TFPI: variants seen among roughly 807,000 people sequenced by gnomAD.
TFPI encodes anti-convertin.
TFPI carries 15 observed loss-of-function variants against 34.6 expected under a neutral mutation model. That is an observed-to-expected ratio of 0.43 (90% CI 0.29 to 0.67). The LOEUF (loss-of-function observed/expected upper bound fraction) is 0.67. TFPI is among the 30% of genes least tolerant of loss of function. TFPI has a pLI of 0.15. For synonymous variants in TFPI, 105 were observed against 120.1 expected (o/e 0.87, Z 0.82); for missense variants, 301 against 364.0 (o/e 0.83, Z 1.41).
At chr2:187,526,431 A>G (rs1411743359) in intron 1 of TFPI, among the ~76,000 whole-genome samples, 1 of 152,170 alleles carries the variant, frequency 6.6e-6, no homozygotes, top group African/African-American at 2.4e-5. Flanking sequence ...AAGGAATAGC[A>G]ACAGATATTG....
chr2:187,472,880 C>T (rs1362119037), intron 6 of TFPI, among the ~76,000 whole-genome samples: 2 of 151,932 alleles, frequency 1.3e-5, no homozygotes, highest in African/African-American at 4.8e-5. Context: ...GGCGTGGTGG[C>T]ACACGCATGT....
intron 1 of TFPI, among the ~76,000 whole-genome samples, chr2:187,511,710 A>C (rs1686646895): frequency 2.6e-5 from 4 of 152,162 alleles, no homozygotes; most frequent in Admixed American, 2.0e-4. Context: ...CAGGGCACGC[A>C]AACCAGTTCC....
chr2:187,499,630 G>T (rs1685717779), intron 2 of TFPI: 1 of 151,540 alleles, frequency 6.6e-6, no homozygotes, highest in Non-Finnish European at 1.5e-5. Context: ...ATTACGTATC[G>T]TGAGTTTCTG....
intron 5 of TFPI, 112 bp downstream of exon 5, chr2:187,484,699 A>T: frequency 1.1e-6 from 1 of 929,234 alleles, no homozygotes; most frequent in South Asian, 2.0e-5. Flanking sequence ...ACACAAATAT[A>T]TCTTCATTTG....
At chr2:187,531,431 A>T (rs903773360) in intron 1 of TFPI, among the ~76,000 whole-genome samples, 2 of 152,182 alleles carry the variant, frequency 1.3e-5, no homozygotes, top group Non-Finnish European at 2.9e-5. Context: ...TTGATGTAAT[A>T]ATTCGTTTCT....
intron 2 of TFPI, among the ~76,000 whole-genome samples, chr2:187,500,250 T>C (rs1196936753): frequency 6.6e-6 from 1 of 152,154 alleles, no homozygotes; most frequent in East Asian, 1.9e-4. Context: ...ATTTTTGTAA[T>C]TGTACCCTTT....
chr2:187,489,683 T>C (rs556979753), intron 3 of TFPI, among the ~76,000 whole-genome samples: 143 of 151,642 alleles, frequency 9.4e-4, no homozygotes, highest in Admixed American at 1.3e-3. Flanking sequence ...AATACAATTT[T>C]TAAAAGAACA....
Position 187,467,882 on chromosome 2 carries a change from G to C in TFPI, c.679C>G (p.Arg227Gly), listed in dbSNP as rs563433428. 2 of 1,610,326 alleles carry C rather than the reference G, an allele frequency of 1.2e-6. No individual in the cohort carries two copies. Among genetic ancestry groups the C allele is most frequent in the East Asian group, 4.5e-5 (2 of 44,712 alleles). ...CLTPADRGLC[R>G]ANENRFYYNS... ...TAGTAGAATCTGTTCTCATTGGCAC[G>C]ACACAATCCTCTGTCTGCTGGAGTG... The change falls in exon 7 of 8, where the codon CGT (arginine) becomes GGT (glycine). Residue 227 changes from arginine to glycine, a missense_variant. Physicochemically the swap from Arg to Gly is moderately radical, Grantham distance 125. Coordinates refer to ENST00000233156, the MANE Select transcript of TFPI (RefSeq NM_006287.6).
chr2:187,477,712 C>A (rs1479070638), intron 6 of TFPI, among the ~76,000 whole-genome samples: 1 of 152,048 alleles, frequency 6.6e-6, no homozygotes, highest in African/African-American at 2.4e-5. Context: ...TCCATTAGGC[C>A]CTTTGTGAAC....
chr2:187,466,640 G>T lies in TFPI; in HGVS notation c.*296C>A. ...CAGATGGTCACCAAATGGAATCAAA[G>T]GACTGATTTGATGTAGCCGGTAGTA... On this transcript the variant is annotated 3_prime_UTR_variant, in exon 8 of 8. Coordinates refer to ENST00000233156, the MANE Select transcript of TFPI (RefSeq NM_006287.6). 4.9e-6 allele frequency: 1 copy of T among 204,150 alleles called. No individual in the cohort carries two copies. The highest frequency in any genetic ancestry group is 9.9e-6 in the Non-Finnish European group (1 of 101,338). The allele number at this position is 204,150 out of a possible 1,614,324, so 12.6% of individuals were successfully genotyped here.
chr2:187,546,915 T>A (rs893579408), intron 1 of TFPI: 1 of 152,240 alleles, frequency 6.6e-6, no homozygotes, highest in African/African-American at 2.4e-5. Flanking sequence ...GAGGTACATG[T>A]GCTTTGCAAA....
At chr2:187,503,505 ATTAGGTATAATAAATTTC>A in intron 2 of TFPI, 125 bp downstream of exon 2, 19 of 893,004 alleles carry the variant, frequency 2.1e-5, no homozygotes, top group East Asian at 2.7e-5. Flanking sequence ...ACACACATAC[ATTAGGTATAATAAATTTC>A]CAAAGAAAAA....
intron 2 of TFPI, chr2:187,499,732 A>G (rs1252949134): frequency 6.6e-6 from 1 of 152,168 alleles, no homozygotes; most frequent in East Asian, 1.9e-4. Context: ...CAAAGCAGGA[A>G]TAAAAATATT....
At position 187,546,106 on chromosome 2, in the gene TFPI, C is replaced by A. The variant is rs576795823; in HGVS notation, c.-3+8094G>T. On this transcript the variant is annotated intron_variant, in intron 1 of 7. Coordinates refer to ENST00000233156, the MANE Select transcript of TFPI (RefSeq NM_006287.6). ...TAGATCTCCACTACTAAGAATACAA[C>A]GAACACATTGAAATAAAAAAGAAAC... is the stretch of plus-strand genomic sequence containing the variant. Among the ~76,000 whole-genome samples the A allele has an allele frequency of 2.0e-5, 3 of 151,970 alleles. No homozygotes were observed. In the East Asian group the frequency reaches 5.8e-4, roughly 29 times the overall value.
rs1474317505 is a variant in TFPI at position 187,466,340 on chromosome 2, T to C, written c.*596A>G. 6.6e-6 allele frequency: 1 copy of C among 151,216 alleles called. No individual in the cohort carries two copies. Among genetic ancestry groups the C allele is most frequent in the African/African-American group, 2.4e-5 (1 of 41,144 alleles). The allele number at this position is 151,216 out of a possible 1,614,324, so 9.4% of individuals were successfully genotyped here. A position where few individuals can be genotyped will look rare whatever the true frequency, so the allele number is the denominator to read the frequency against. On this transcript the variant is annotated 3_prime_UTR_variant, in exon 8 of 8. Transcript: ENST00000233156. ...AATCAGGCAGGCACATGATGCAGAG[T>C]TGACTGTTCAAAGACAGTTTAGCTC...
At chr2:187,511,957 AAC>A (rs1491016649) in intron 1 of TFPI, among the ~76,000 whole-genome samples, 2 of 152,204 alleles carry the variant, frequency 1.3e-5, no homozygotes, top group African/African-American at 4.8e-5. Flanking sequence ...TAAGAAAAAA[AAC>A]AGTGTACCCT....
intron 3 of TFPI, among the ~76,000 whole-genome samples, chr2:187,493,002 G>A (rs1685224288): frequency 6.6e-6 from 1 of 152,064 alleles, no homozygotes; most frequent in South Asian, 2.1e-4. Context: ...GAGTATGGTG[G>A]CTTTCTTCTC....
Position 187,467,866 on chromosome 2 carries a change from C to A in TFPI, c.695G>T (p.Arg232Ile), listed in dbSNP as rs2105943078. ...DRGLCRANENRFYYNSVIGKC... is the reference protein window; with the variant it reads ...DRGLCRANENIFYYNSVIGKC... Reference sequence around the variant, plus strand: ...CCCAATGACTGAATTGTAGTAGAATCTGTTCTCATTGGCACGACACAATCC... The same window carrying A: ...CCCAATGACTGAATTGTAGTAGAATATGTTCTCATTGGCACGACACAATCC... Residue 232 changes from arginine to isoleucine, a missense_variant, in exon 7 of 8, where the codon AGA (arginine) becomes ATA (isoleucine). By Grantham distance (97) the Arg-to-Ile change is moderately conservative. Coordinates refer to ENST00000233156, the MANE Select transcript of TFPI (RefSeq NM_006287.6). 1 of 1,612,554 alleles carries A rather than the reference C, an allele frequency of 6.2e-7. No individual in the cohort carries two copies. Among genetic ancestry groups the A allele is most frequent in the Non-Finnish European group, 8.5e-7 (1 of 1,179,286 alleles).
chr2:187,505,419 A>G (rs1456512861), intron 1 of TFPI, among the ~76,000 whole-genome samples: 1 of 152,158 alleles, frequency 6.6e-6, no homozygotes, highest in Non-Finnish European at 1.5e-5. Context: ...ATTCTAGAAT[A>G]TGTGGAACAA....
Sources: gnomAD v4.1 joint callset for allele counts (sites outside exome capture counted in the v4.1 genomes callset) on GRCh38, gnomAD v4.1.1 for gene constraint, MANE v1.5 for transcripts, NCBI Gene and HGNC (gene_info 2026-07-23, HGNC 2026-07-21) for gene names.